The following DNAJB6 variants were observed in gnomAD, a reference collection of about 807,000 sequenced individuals.
DNAJB6 encodes DnaJ heat shock protein family (Hsp40) member B6.
Under a neutral mutation model 42.7 loss-of-function variants are expected in DNAJB6, and 16 were observed. The ratio of observed to expected loss-of-function variants is 0.37; its 90% CI spans 0.25 to 0.57. DNAJB6 has a LOEUF of 0.57. DNAJB6 is among the 20% of genes least tolerant of loss of function. The probability of loss-of-function intolerance (pLI) is 0.74; values close to 1 mark genes in which losing one functional copy is unlikely to be tolerated. For synonymous variants in DNAJB6, 170 were observed against 163.5 expected (o/e 1.04, Z -0.30); for missense variants, 347 against 416.8 (o/e 0.83, Z 1.46).
At chr7:157,354,838 A>G (rs762187748) in intron 1 of DNAJB6, among the ~76,000 whole-genome samples, 3 of 152,220 alleles carry the variant, frequency 2.0e-5, no homozygotes, top group African/African-American at 7.2e-5. Context: ...ACGTTGGCGA[A>G]GGTGAACATT....
At chr7:157,381,544 G>A (rs1800771944) in intron 5 of DNAJB6, 2 of 152,206 alleles carry the variant, frequency 1.3e-5, no homozygotes, top group African/African-American at 4.8e-5. Flanking sequence ...CCACTTGGCA[G>A]CGTGATGCTT....
At chr7:157,368,529 C>G (rs1799953294) in intron 5 of DNAJB6, 1 of 152,344 alleles carries the variant, frequency 6.6e-6, no homozygotes, top group Non-Finnish European at 1.5e-5. Flanking sequence ...GCTGTTATAG[C>G]TGCTGTTTGA....
chr7:157,403,668 G>A (rs1795624989), intron 8 of DNAJB6, among the ~76,000 whole-genome samples: 1 of 152,090 alleles, frequency 6.6e-6, no homozygotes, highest in Admixed American at 6.5e-5. Context: ...AAAATGGGAG[G>A]CAGGTGTGCC....
chr7:157,390,800 C>T (rs1801303969), intron 8 of DNAJB6, among the ~76,000 whole-genome samples: 1 of 152,128 alleles, frequency 6.6e-6, no homozygotes, highest in African/African-American at 2.4e-5. Flanking sequence ...CTCCTGAGGC[C>T]TGGAGCATGC....
chr7:157,387,639 G>A (rs939721295), intron 8 of DNAJB6, among the ~76,000 whole-genome samples: 7 of 152,148 alleles, frequency 4.6e-5, no homozygotes, highest in African/African-American at 1.2e-4. Flanking sequence ...TTGCTATAGC[G>A]TTGGTACTAC....
chr7:157,360,489 A>G (rs1478900801), intron 2 of DNAJB6, among the ~76,000 whole-genome samples: 1 of 152,222 alleles, frequency 6.6e-6, no homozygotes, highest in Non-Finnish European at 1.5e-5. Flanking sequence ...TGGAAATTAC[A>G]TACCTTTATG....
At chr7:157,394,955 G>C (rs1387978233) in intron 8 of DNAJB6, among the ~76,000 whole-genome samples, 1 of 152,132 alleles carries the variant, frequency 6.6e-6, no homozygotes, top group Non-Finnish European at 1.5e-5. Flanking sequence ...GCCTGGCTTG[G>C]GGGTGCACGC....
chr7:157,371,789 T>C (rs893467268), intron 5 of DNAJB6, among the ~76,000 whole-genome samples: 1 of 152,230 alleles, frequency 6.6e-6, no homozygotes, highest in South Asian at 2.1e-4. Flanking sequence ...TGTTCTGAGA[T>C]AGGAAAGAAA....
intron 8 of DNAJB6, among the ~76,000 whole-genome samples, 153 bp from the exon 9 acceptor site, chr7:157,409,642 C>G (rs1476544029): frequency 6.6e-6 from 1 of 152,254 alleles, no homozygotes; most frequent in African/African-American, 2.4e-5. Flanking sequence ...CCCAGTGGCG[C>G]CACTGAAGAA....
rs1049851868 is a variant in DNAJB6, at chr7:157,399,944, C to G, written c.692-9851C>G. 6.1e-4 allele frequency among the ~76,000 whole-genome samples: 93 copies of G among 152,282 alleles called. 1 individual carries two copies. The highest frequency in any genetic ancestry group is 1.1e-3 in the African/African-American group (44 of 41,536). On this transcript the variant is annotated intron_variant, in intron 8 of 9. Coordinates refer to ENST00000262177, the MANE Select transcript of DNAJB6 (RefSeq NM_058246.4). ...TCAGCCTCCCAAAGTGCTTGGATGA[C>G]AGACGTGAGCCGCCGCACCCGGCCT...
chr7:157,382,285 C>T lies in DNAJB6; in HGVS notation c.386C>T (p.Pro129Leu), dbSNP rs757941397. The part of the protein sequence containing the change: ...FEDFFGNRRG[P>L]RGSRSRGTGS... Reference sequence around the variant, plus strand: ...GACTTCTTTGGGAATCGAAGGGGTCCCCGAGGAAGCAGAAGCCGAGGGACG... The same window carrying T: ...GACTTCTTTGGGAATCGAAGGGGTCTCCGAGGAAGCAGAAGCCGAGGGACG... Residue 129 changes from proline to leucine, a missense_variant, in exon 6 of 10, where the codon CCC becomes CTC. Physicochemically the swap from Pro to Leu is moderately conservative, Grantham distance 98. This residue lies in a region of DNAJB6 where 264 missense variants were observed against 288.0 expected (regional missense o/e 0.92). Coordinates refer to ENST00000262177, the MANE Select transcript of DNAJB6 (RefSeq NM_058246.4). The T allele has an allele frequency of 6.2e-7, 1 of 1,611,372 alleles. No homozygotes were observed. The highest frequency in any genetic ancestry group is 1.3e-5 in the African/African-American group (1 of 74,758).
chr7:157,416,280 G>A lies in DNAJB6; in HGVS notation c.*182G>A, dbSNP rs1042165524. ...GGTCAGGAGACGGGGCTGACGGCAC[G>A]GGTGGCGGGGACAGACGTTTGGGAC... On this transcript the variant is annotated 3_prime_UTR_variant, in exon 10 of 10. Transcript: ENST00000262177. 38 of 895,950 alleles carry A rather than the reference G, an allele frequency of 4.2e-5. No homozygotes were observed. Among genetic ancestry groups the A allele is most frequent in the South Asian group, 7.2e-5 (4 of 55,716 alleles). The allele number at this position is 895,950 out of a possible 1,614,324, so 55.5% of individuals were successfully genotyped here.
intron 1 of DNAJB6, among the ~76,000 whole-genome samples, chr7:157,351,669 A>AC (rs1563113514): frequency 6.6e-6 from 1 of 151,230 alleles, no homozygotes; most frequent in South Asian, 2.1e-4. Flanking sequence ...AACAAAAAAA[A>AC]CCACAAAACT....
At chr7:157,339,240 AAATCC>A in intron 1 of DNAJB6, among the ~76,000 whole-genome samples, 1 of 149,140 alleles carries the variant, frequency 6.7e-6, no homozygotes, top group Non-Finnish European at 1.5e-5. Flanking sequence ...TAGATAACCT[AAATCC>A]AGGTCTGAGG....
At chr7:157,351,382 A>C (rs940638170) in intron 1 of DNAJB6, among the ~76,000 whole-genome samples, 1 of 151,972 alleles carries the variant, frequency 6.6e-6, no homozygotes, top group Non-Finnish European at 1.5e-5. Flanking sequence ...TAATCCCAGC[A>C]CTTTGGGAGG....
chr7:157,392,114 AAAAG>A (rs1322025517), intron 8 of DNAJB6, among the ~76,000 whole-genome samples: 34 of 151,832 alleles, frequency 2.2e-4, no homozygotes, highest in African/African-American at 7.2e-4. Context: ...AAAAAAAAAA[AAAAG>A]GATAGTCATA....
intron 8 of DNAJB6, among the ~76,000 whole-genome samples, chr7:157,397,581 C>T (rs890649184): frequency 6.6e-6 from 1 of 152,250 alleles, no homozygotes; most frequent in African/African-American, 2.4e-5. Context: ...CCGATTTCCT[C>T]CTGTGTCCCC....
chr7:157,341,248 C>T (rs1021540394), intron 1 of DNAJB6, among the ~76,000 whole-genome samples: 1 of 152,102 alleles, frequency 6.6e-6, no homozygotes, highest in African/African-American at 2.4e-5. Flanking sequence ...CCTCAGCCTC[C>T]CGAGTAGCTG....
intron 3 of DNAJB6, among the ~76,000 whole-genome samples, chr7:157,365,421 G>A (rs185135055): frequency 6.6e-6 from 1 of 152,344 alleles, no homozygotes; most frequent in Admixed American, 6.5e-5. Flanking sequence ...GGTCCACTTC[G>A]AGGGTGAATG....
Sources: allele counts gnomAD v4.1 joint callset (sites outside exome capture counted in the v4.1 genomes callset), GRCh38; gene constraint gnomAD v4.1.1; regional missense constraint gnomAD v4.1.1; transcripts MANE v1.5; gene names NCBI Gene and HGNC (gene_info 2026-07-23, HGNC 2026-07-21).